The following PTPRN2 variants were observed in gnomAD, a reference collection of about 807,000 sequenced individuals.
PTPRN2 encodes the protein protein tyrosine phosphatase receptor type N2.
In PTPRN2, 74 loss-of-function variants were observed where a neutral mutation model predicts 118.8. The observed-to-expected ratio is 0.62, with a 90% CI of 0.52 to 0.76. The LOEUF (loss-of-function observed/expected upper bound fraction) is 0.76, where lower values mean the gene tolerates loss of function less well. Ranked by LOEUF, PTPRN2 falls within the 30% of genes least tolerant of loss-of-function variation. PTPRN2 has a pLI of 0.00. For missense variants in PTPRN2, 1,481 were observed against 1,394.4 expected (o/e 1.06, Z -0.99); for synonymous variants, 641 against 608.0 (o/e 1.05, Z -0.80).
At chr7:158,129,939 C>T (rs1818036130) in intron 9 of PTPRN2, among the ~76,000 whole-genome samples, 1 of 152,150 alleles carries the variant, frequency 6.6e-6, no homozygotes, top group Non-Finnish European at 1.5e-5. Context: ...GAAAGCTCAT[C>T]CTGACTTATG....
intron 1 of PTPRN2, among the ~76,000 whole-genome samples, chr7:158,569,891 G>A (rs1827902974): frequency 6.7e-6 from 1 of 150,170 alleles, no homozygotes; most frequent in Admixed American, 6.6e-5. Context: ...CCGCCTGACA[G>A]GAACTCGGGG....
chr7:157,938,726 A>G lies in PTPRN2; in HGVS notation c.1724-39989T>C, dbSNP rs548817200. On this transcript the variant is annotated intron_variant, in intron 11 of 22. Transcript: ENST00000389418. ...TTCCAAAAATTCTCTTTAATATCAA[A>G]GATACATTGTCCTTGTAGTACACTA... Among the ~76,000 whole-genome samples, 207 of 152,364 alleles carry G rather than the reference A, an allele frequency of 1.4e-3. 2 individuals are homozygous for G. Among genetic ancestry groups the G allele is most frequent in the African/African-American group, 4.7e-3 (195 of 41,582 alleles).
At position 158,110,933 on chromosome 7, in the gene PTPRN2, G is replaced by A. The variant is rs1263842958; in HGVS notation, c.1557-18C>T. On this transcript the variant is annotated intron_variant, in intron 9 of 22. Transcript: ENST00000389418. ...GCAGGGGGCTGCGGATGACAGCAGG[G>A]ATGGGGAGCAGTCACCACAGAGCCA... The A allele has an allele frequency of 6.5e-7, 1 of 1,545,450 alleles. No individual in the cohort carries two copies. The highest frequency in any genetic ancestry group is 8.7e-7 in the Non-Finnish European group (1 of 1,147,666).
At chr7:158,220,205 G>C (rs1021030211) in intron 3 of PTPRN2, among the ~76,000 whole-genome samples, 3 of 151,980 alleles carry the variant, frequency 2.0e-5, no homozygotes. Flanking sequence ...CAAACCCAAA[G>C]GCAACATCAT....
intron 3 of PTPRN2, among the ~76,000 whole-genome samples, chr7:158,258,500 G>A (rs1797177743): frequency 6.6e-6 from 1 of 152,218 alleles, no homozygotes; most frequent in Non-Finnish European, 1.5e-5. Flanking sequence ...CACGGAGGGA[G>A]CTGCCTGGGT....
At chr7:157,996,871 C>T (rs770524604) in intron 11 of PTPRN2, among the ~76,000 whole-genome samples, 17 of 152,228 alleles carry the variant, frequency 1.1e-4, no homozygotes, top group Non-Finnish European at 1.3e-4. Flanking sequence ...TCTTCCCCCA[C>T]GCCAGGCCCT....
chr7:158,254,955 G>A (rs1191748578), intron 3 of PTPRN2, among the ~76,000 whole-genome samples: 1 of 152,244 alleles, frequency 6.6e-6, no homozygotes, highest in Admixed American at 6.5e-5. Context: ...CCGAGGCATG[G>A]CCCAGGCCCA....
At chr7:158,372,271 ATCCCCCCAACGCTGGTCCCCGGAGCTGG>A (rs753673458) in intron 2 of PTPRN2, among the ~76,000 whole-genome samples, 12 of 32,562 alleles carry the variant, frequency 3.7e-4, no homozygotes, top group Admixed American at 1.9e-3. Context: ...CCCAGAGCTG[ATCCCCCCAACGCTGGTCCCCGGAGCTGG>A]TCCCCCCAAC....
At position 158,529,905 on chromosome 7, in the gene PTPRN2, GCA is replaced by G. The variant is rs1825091590; in HGVS notation, c.113-40122_113-40121del. ...GCACACCACACACGTGCCACACACA[GCA>G]CACATATGCACGCTACCACACACAT... On this transcript the variant is annotated intron_variant, in intron 1 of 22. Coordinates refer to ENST00000389418, the MANE Select transcript of PTPRN2 (RefSeq NM_002847.5). This position sits in a 1 kb window ranked among gnomAD's most constrained non-coding sequence, Gnocchi z 4.7. 6.6e-6 allele frequency among the ~76,000 whole-genome samples: 1 copy of G among 151,844 alleles called. No individual in the cohort carries two copies. The highest frequency in any genetic ancestry group is 6.6e-5 in the Admixed American group (1 of 15,226).
At chr7:157,660,896 A>C (rs1795851381) in intron 13 of PTPRN2, among the ~76,000 whole-genome samples, 1 of 152,210 alleles carries the variant, frequency 6.6e-6, no homozygotes, top group Admixed American at 6.5e-5. Context: ...CTGGAATTAT[A>C]GGCGTGCACC....
At chr7:158,084,245 C>A (rs997665711) in intron 10 of PTPRN2, among the ~76,000 whole-genome samples, 1 of 152,182 alleles carries the variant, frequency 6.6e-6, no homozygotes, top group Non-Finnish European at 1.5e-5. Flanking sequence ...ACAAGAAGAA[C>A]TTGCCCTGGC....
intron 11 of PTPRN2, among the ~76,000 whole-genome samples, chr7:157,925,513 A>C (rs570053300): frequency 6.6e-6 from 1 of 152,170 alleles, no homozygotes; most frequent in African/African-American, 2.4e-5. Flanking sequence ...CCGGGTCCCA[A>C]CCTGGCCTGG....
chr7:158,001,751 A>G (rs1805279847), intron 11 of PTPRN2, among the ~76,000 whole-genome samples: 2 of 152,226 alleles, frequency 1.3e-5, no homozygotes, highest in Non-Finnish European at 2.9e-5. Flanking sequence ...TCATCTGTTT[A>G]TACACAAACA....
rs1801788513 is a variant in PTPRN2, at chr7:157,964,724, G to A, written c.1724-65987C>T. On this transcript the variant is annotated intron_variant, in intron 11 of 22. Coordinates refer to ENST00000389418, the MANE Select transcript of PTPRN2 (RefSeq NM_002847.5). The surrounding 1 kb of genome is among the most constrained non-coding windows in gnomAD (Gnocchi z 9.0). The stretch of plus-strand genomic sequence containing the variant: ...ACTTGACCGACTCACCTCAGAGCTT[G>A]GCACTGGGTGCTCTGATTCCCTTCC... Among the ~76,000 whole-genome samples the A allele has an allele frequency of 6.6e-6, 1 of 152,126 alleles. No individual in the cohort carries two copies. The highest frequency in any genetic ancestry group is 1.5e-5 in the Non-Finnish European group (1 of 68,026).
At chr7:157,586,628 G>A (rs988665649) in intron 17 of PTPRN2, among the ~76,000 whole-genome samples, 1 of 152,092 alleles carries the variant, frequency 6.6e-6, no homozygotes, top group African/African-American at 2.4e-5. Flanking sequence ...GAGACTCAGG[G>A]CCCCCGCTGC....
intron 12 of PTPRN2, among the ~76,000 whole-genome samples, chr7:157,751,618 G>A (rs182938885): frequency 3.9e-5 from 6 of 152,150 alleles, no homozygotes; most frequent in East Asian, 1.9e-4. Context: ...TTTGGAAGGC[G>A]TTTTCCCTTC....
intron 12 of PTPRN2, among the ~76,000 whole-genome samples, chr7:157,809,254 G>A (rs190562992): frequency 2.8e-4 from 42 of 151,704 alleles, no homozygotes; most frequent in Non-Finnish European, 5.1e-4. Context: ...AGCCCTGAGC[G>A]AGGTGTGGAA....
At chr7:157,675,631 G>T (rs1796630042) in intron 13 of PTPRN2, among the ~76,000 whole-genome samples, 1 of 152,246 alleles carries the variant, frequency 6.6e-6, no homozygotes, top group Non-Finnish European at 1.5e-5. Flanking sequence ...GAAGTGTGCG[G>T]AAACGGGTAC....
intron 3 of PTPRN2, among the ~76,000 whole-genome samples, chr7:158,213,883 C>T (rs372793840): frequency 7.2e-5 from 11 of 151,892 alleles, no homozygotes; most frequent in African/African-American, 2.7e-4. Flanking sequence ...ATTTAAATAA[C>T]TAAAATTTAA....
Sources: gnomAD v4.1 joint callset for allele counts (sites outside exome capture counted in the v4.1 genomes callset) on GRCh38, gnomAD v4.1.1 for gene constraint, Gnocchi (gnomAD v3.1) non-coding constraint, MANE v1.5 for transcripts, NCBI Gene and HGNC (gene_info 2026-07-23, HGNC 2026-07-21) for gene names.